Variants in PPARGC1A observed in about 807,000 individuals in gnomAD.
The protein encoded by PPARGC1A is PPARG coactivator 1 alpha.
Under a neutral mutation model 88.7 loss-of-function variants are expected in PPARGC1A, and 25 were observed. That is an observed-to-expected ratio of 0.28 (90% CI 0.21 to 0.39). The LOEUF (loss-of-function observed/expected upper bound fraction) is 0.39, where lower values mean the gene tolerates loss of function less well. PPARGC1A is among the 10% of genes least tolerant of loss of function. The pLI is 1.00. For missense variants in PPARGC1A, 880 were observed against 968.7 expected (o/e 0.91, Z 1.22); for synonymous variants, 363 against 355.6 (o/e 1.02, Z -0.24).
the PPARGC1A span, among the ~76,000 whole-genome samples, chr4:24,253,730 C>G: frequency 1.6e-5 from 2 of 125,564 alleles, no homozygotes; most frequent in Admixed American, 1.5e-4. Context: ...ACACACCTCA[C>G]TTGCCTAGTG....
chr4:23,993,661 C>T, the PPARGC1A span, among the ~76,000 whole-genome samples: 1 of 152,092 alleles, frequency 6.6e-6, no homozygotes, highest in African/African-American at 2.4e-5. Flanking sequence ...CACAGCTCAG[C>T]TCATCAGGGC....
At chr4:24,321,372 A>C in the PPARGC1A span, among the ~76,000 whole-genome samples, 2 of 152,186 alleles carry the variant, frequency 1.3e-5, no homozygotes, top group Non-Finnish European at 2.9e-5. Flanking sequence ...ATAATCCTAT[A>C]ATGATGAAGC....
chr4:23,862,906 C>T (rs1176829950), intron 2 of PPARGC1A, among the ~76,000 whole-genome samples: 3 of 152,190 alleles, frequency 2.0e-5, no homozygotes, highest in Non-Finnish European at 2.9e-5. Context: ...GCTCCATCGT[C>T]GCATATTGTT....
At chr4:24,470,844 G>A in the PPARGC1A span, among the ~76,000 whole-genome samples, 1 of 151,816 alleles carries the variant, frequency 6.6e-6, no homozygotes, top group Non-Finnish European at 1.5e-5. This position sits in a 1 kb window ranked among gnomAD's most constrained non-coding sequence, Gnocchi z 5.8. Context: ...TGGCCGCAGC[G>A]CTTTCTGGAG....
At chr4:23,833,445 A>G (rs1725415008) in intron 2 of PPARGC1A, among the ~76,000 whole-genome samples, 1 of 152,236 alleles carries the variant, frequency 6.6e-6, no homozygotes, top group South Asian at 2.1e-4. Flanking sequence ...TGACATTAAC[A>G]ATATGGGCTA....
At chr4:23,986,789 T>C in the PPARGC1A span, among the ~76,000 whole-genome samples, 1 of 152,080 alleles carries the variant, frequency 6.6e-6, no homozygotes, top group Non-Finnish European at 1.5e-5. Context: ...CTTGCCTCTC[T>C]GGAGTATATT....
At chr4:23,856,550 G>A (rs1730224555) in intron 2 of PPARGC1A, among the ~76,000 whole-genome samples, 1 of 152,120 alleles carries the variant, frequency 6.6e-6, no homozygotes, top group African/African-American at 2.4e-5. Context: ...GATTGCTTTT[G>A]AAAATTATGC....
the PPARGC1A span, among the ~76,000 whole-genome samples, chr4:23,921,636 G>C: frequency 6.6e-6 from 1 of 152,186 alleles, no homozygotes; most frequent in African/African-American, 2.4e-5. Context: ...AGGGGTTAAC[G>C]AGACAAGCGC....
chr4:24,335,667 C>T, the PPARGC1A span, among the ~76,000 whole-genome samples: 2 of 152,230 alleles, frequency 1.3e-5, no homozygotes, highest in East Asian at 1.9e-4. Context: ...CGCGAGGGTA[C>T]GTTACAGAGG....
At chr4:24,383,078 C>T in the PPARGC1A span, among the ~76,000 whole-genome samples, 36 of 152,306 alleles carry the variant, frequency 2.4e-4, no homozygotes, top group East Asian at 2.9e-3. Flanking sequence ...GTGATACCCA[C>T]GCAAACAGGG....
At chr4:24,276,512 T>G in the PPARGC1A span, among the ~76,000 whole-genome samples, 1 of 152,326 alleles carries the variant, frequency 6.6e-6, no homozygotes, top group South Asian at 2.1e-4. Flanking sequence ...CCTGTATTTT[T>G]AATACCTTCC....
chr4:24,216,637 CAT>C, the PPARGC1A span, among the ~76,000 whole-genome samples: 7 of 152,232 alleles, frequency 4.6e-5, no homozygotes, highest in East Asian at 1.3e-3. Flanking sequence ...TTCCATGAAA[CAT>C]AGCTTCCTCT....
At chr4:24,056,953 A>G in the PPARGC1A span, among the ~76,000 whole-genome samples, 1 of 152,216 alleles carries the variant, frequency 6.6e-6, no homozygotes, top group South Asian at 2.1e-4. Flanking sequence ...TTCCAGGTAT[A>G]CATCCACAAA....
At chr4:24,208,535 C>T in the PPARGC1A span, among the ~76,000 whole-genome samples, 1 of 151,944 alleles carries the variant, frequency 6.6e-6, no homozygotes, top group Non-Finnish European at 1.5e-5. Context: ...TGGAAAAATA[C>T]ACACGTTTAC....
the PPARGC1A span, among the ~76,000 whole-genome samples, chr4:23,915,827 G>T: frequency 6.6e-6 from 1 of 152,166 alleles, no homozygotes; most frequent in African/African-American, 2.4e-5. Context: ...TAAAATAAAA[G>T]GCACATGCAA....
the PPARGC1A span, among the ~76,000 whole-genome samples, chr4:24,313,382 G>T: frequency 6.6e-6 from 1 of 152,332 alleles, no homozygotes; most frequent in East Asian, 1.9e-4. Context: ...TATTTGCCAT[G>T]TTCCAGCCAA....
chr4:24,366,257 G>C, the PPARGC1A span, among the ~76,000 whole-genome samples: 1 of 152,106 alleles, frequency 6.6e-6, no homozygotes, highest in Admixed American at 6.6e-5. Context: ...TCACTGAAGA[G>C]AGTTATCGTT....
At chr4:24,449,717 C>T in the PPARGC1A span, among the ~76,000 whole-genome samples, 1 of 152,164 alleles carries the variant, frequency 6.6e-6, no homozygotes, top group East Asian at 1.9e-4. Flanking sequence ...ACTTTTTCCA[C>T]TGATAATAGA....
At chr4:24,242,299 G>A in the PPARGC1A span, among the ~76,000 whole-genome samples, 1 of 152,196 alleles carries the variant, frequency 6.6e-6, no homozygotes, top group Non-Finnish European at 1.5e-5. Context: ...CTCTAGGCCA[G>A]CTGGCTACAG....
Sources: allele counts gnomAD v4.1 joint callset (sites outside exome capture counted in the v4.1 genomes callset), GRCh38; gene constraint gnomAD v4.1.1; non-coding constraint Gnocchi (gnomAD v3.1); transcripts MANE v1.5; gene names NCBI Gene and HGNC (gene_info 2026-07-23, HGNC 2026-07-21).